Variants in SRGAP2B observed in about 807,000 individuals in gnomAD.
The protein encoded by SRGAP2B is SLIT-ROBO Rho GTPase-activating protein 2B.
SRGAP2B carries 9 observed loss-of-function variants against 22.2 expected under a neutral mutation model. The ratio of observed to expected loss-of-function variants is 0.41; its 90% confidence interval spans 0.24 to 0.71. The LOEUF is 0.71. Among genes scored for constraint, SRGAP2B ranks in the 30% least tolerant of loss-of-function variants. The pLI, the probability that SRGAP2B is intolerant of heterozygous loss-of-function variation, is 0.35. For synonymous variants in SRGAP2B, 36 were observed against 87.4 expected (o/e 0.41, Z 3.28); for missense variants, 114 against 235.8 (o/e 0.48, Z 3.38).
At chr1:144,977,682 A>G in intron 3 of SRGAP2B, among the ~76,000 whole-genome samples, 1 of 140,870 alleles carries the variant, frequency 7.1e-6, no homozygotes, top group Middle Eastern at 3.7e-3. Flanking sequence ...ATGTAGTAAT[A>G]TGTTAACATT....
chr1:145,006,627 T>C (rs1203709297), intron 2 of SRGAP2B, among the ~76,000 whole-genome samples: 37 of 150,716 alleles, frequency 2.5e-4, no homozygotes, highest in Non-Finnish European at 1.5e-5. Flanking sequence ...CCATTTATTT[T>C]TCAACAACTC....
intron 2 of SRGAP2B, among the ~76,000 whole-genome samples, chr1:145,030,724 AT>A (rs1648222374): frequency 5.6e-3 from 189 of 33,988 alleles, no homozygotes; most frequent in Non-Finnish European, 8.7e-3. Flanking sequence ...AAAAAAAAAT[AT>A]ATATATATAT....
intron 8 of SRGAP2B, among the ~76,000 whole-genome samples, chr1:144,895,691 T>C (rs1471857672): frequency 3.4e-5 from 5 of 147,068 alleles, no homozygotes; most frequent in African/African-American, 1.3e-4. Context: ...CACATTTCTA[T>C]CTCCAGGACA....
intron 3 of SRGAP2B, among the ~76,000 whole-genome samples, chr1:144,960,110 C>G (rs1667558114): frequency 1.1e-5 from 1 of 89,784 alleles, no homozygotes; most frequent in Admixed American, 1.2e-4. Context: ...TATATCTTTT[C>G]CATCTATCAT....
chr1:144,997,199 C>T (rs1485233993), intron 2 of SRGAP2B, among the ~76,000 whole-genome samples: 16 of 150,418 alleles, frequency 1.1e-4, no homozygotes, highest in East Asian at 1.9e-4. Context: ...GAGGCCGAGG[C>T]GGGCGGATCA....
intron 2 of SRGAP2B, among the ~76,000 whole-genome samples, chr1:145,036,067 A>G (rs1415715981): frequency 6.0e-4 from 84 of 139,226 alleles, no homozygotes; most frequent in Admixed American, 1.1e-3. Flanking sequence ...GCCCACTAAG[A>G]CACAACCACC....
chr1:144,990,542 T>C (rs1346926707), intron 3 of SRGAP2B, among the ~76,000 whole-genome samples: 1 of 131,018 alleles, frequency 7.6e-6, no homozygotes, highest in Non-Finnish European at 1.6e-5. Flanking sequence ...GCTCCCACTT[T>C]GGTGGCATTT....
intron 2 of SRGAP2B, among the ~76,000 whole-genome samples, chr1:145,086,623 A>G (rs9331166): frequency 0.027 from 698 of 26,112 alleles, 4 homozygotes; most frequent in Middle Eastern, 0.043. Flanking sequence ...TCAAGGCTGC[A>G]GTGAGCCGTG....
chr1:145,044,676 AAAAAAAAAAAAAAAAAAAAAAAAAC>A (rs1649560439), intron 2 of SRGAP2B, among the ~76,000 whole-genome samples: 6 of 110,858 alleles, frequency 5.4e-5, no homozygotes, highest in Middle Eastern at 4.4e-3. Context: ...AAAAAAAAAA[AAAAAAAAAAAAAAAAAAAAAAAAAC>A]AGAAAAAGCA....
At chr1:144,961,273 T>C (rs1553611202) in intron 3 of SRGAP2B, among the ~76,000 whole-genome samples, 1 of 141,748 alleles carries the variant, frequency 7.1e-6, no homozygotes, top group East Asian at 2.2e-4. Flanking sequence ...CACTGGGAAC[T>C]GTGTGCTGAG....
intron 2 of SRGAP2B, among the ~76,000 whole-genome samples, chr1:145,006,904 A>G (rs1459162288): frequency 1.3e-5 from 2 of 150,898 alleles, no homozygotes; most frequent in African/African-American, 5.0e-5. Flanking sequence ...GATTAAGAGG[A>G]TAGACCGCAT....
chr1:145,025,889 G>A (rs868909443), intron 2 of SRGAP2B, among the ~76,000 whole-genome samples: 1,559 of 151,540 alleles, frequency 0.01, no homozygotes, highest in African/African-American at 0.036. Context: ...AATCAGCAGA[G>A]CACTATCCTG....
chr1:145,000,993 C>A (rs1452579946), intron 2 of SRGAP2B, among the ~76,000 whole-genome samples: 1 of 146,702 alleles, frequency 6.8e-6, no homozygotes, highest in Non-Finnish European at 1.5e-5. Flanking sequence ...GTCACCTCAG[C>A]CATCTCAGGA....
chr1:144,905,452 A>G, intron 6 of SRGAP2B, among the ~76,000 whole-genome samples: 2 of 149,914 alleles, frequency 1.3e-5, no homozygotes, highest in Non-Finnish European at 2.9e-5. Context: ...CTTTGATTCT[A>G]TCTTCAAATA....
intron 3 of SRGAP2B, among the ~76,000 whole-genome samples, chr1:144,963,192 A>G (rs1353824466): frequency 6.6e-6 from 1 of 150,420 alleles, no homozygotes; most frequent in African/African-American, 2.5e-5. Flanking sequence ...AGGCTGTTAA[A>G]CCCTCTTGGT....
chr1:144,964,807 T>C (rs1187212108), intron 3 of SRGAP2B, among the ~76,000 whole-genome samples: 2 of 150,532 alleles, frequency 1.3e-5, no homozygotes, highest in East Asian at 3.9e-4. Context: ...TACTCCTGGC[T>C]ACTCGGGAAG....
chr1:144,986,453 C>A (rs1315261790), intron 3 of SRGAP2B, among the ~76,000 whole-genome samples: 1 of 149,768 alleles, frequency 6.7e-6, no homozygotes, highest in Non-Finnish European at 1.5e-5. Context: ...GGCTACAGTT[C>A]ACCGACTGAA....
chr1:144,997,129 C>T (rs587709076), intron 2 of SRGAP2B, among the ~76,000 whole-genome samples: 20 of 150,448 alleles, frequency 1.3e-4, no homozygotes, highest in Admixed American at 1.1e-3. Context: ...AAATTCCATC[C>T]GTTCAGTAAG....
intron 3 of SRGAP2B, among the ~76,000 whole-genome samples, chr1:144,970,821 G>A (rs1230288818): frequency 6.7e-6 from 1 of 149,852 alleles, no homozygotes; most frequent in Non-Finnish European, 1.5e-5. Flanking sequence ...AAATAAATGG[G>A]ATAAGCAGGG....
Sources: gnomAD v4.1 joint callset for allele counts (sites outside exome capture counted in the v4.1 genomes callset) on GRCh38, gnomAD v4.1.1 for gene constraint, MANE v1.5 for transcripts, NCBI Gene and HGNC (gene_info 2026-07-23, HGNC 2026-07-21) for gene names.